Variants in WDR44 observed in about 807,000 individuals in gnomAD.
WDR44 encodes the protein WD repeat domain 44, also known as WD repeat-containing protein 44.
In WDR44, 9 loss-of-function variants were observed where a neutral mutation model predicts 65.7. That is an observed-to-expected ratio of 0.14 (90% confidence interval 0.08 to 0.24). WDR44 has a LOEUF of 0.24. Ranked by LOEUF, WDR44 falls within the 10% of genes least tolerant of loss-of-function variation. WDR44 has a pLI of 1.00. For synonymous variants in WDR44, 220 were observed against 235.2 expected (o/e 0.94, Z 0.59); for missense variants, 425 against 670.9 (o/e 0.63, Z 4.05).
chrX:118,412,515 C>T (rs191983297), intron 12 of WDR44, among the ~76,000 whole-genome samples: 1 of 110,704 alleles, frequency 9.0e-6, no homozygotes, highest in African/African-American at 3.3e-5. Context: ...TGGTTACTTC[C>T]GATTTTGATG....
intron 1 of WDR44, among the ~76,000 whole-genome samples, chrX:118,373,347 T>G (rs1303717362): frequency 9.0e-6 from 1 of 111,619 alleles, no homozygotes; most frequent in Non-Finnish European, 1.9e-5. Flanking sequence ...ACTGCAAGGT[T>G]TAACCTACTC....
intron 3 of WDR44, 48 bp from the exon 4 acceptor site, chrX:118,392,584 C>T: frequency 9.3e-7 from 1 of 1,073,397 alleles, no homozygotes; most frequent in Non-Finnish European, 1.3e-6. Context: ...TTACTGTGTT[C>T]TTATAAATAG....
At chrX:118,382,452 C>T (rs2056727466) in intron 2 of WDR44, among the ~76,000 whole-genome samples, 1 of 111,809 alleles carries the variant, frequency 8.9e-6, no homozygotes, top group African/African-American at 3.2e-5. Context: ...ACAATTTTCT[C>T]AGCAAAAAAA....
At chrX:118,415,119 G>T (rs5956983) in intron 12 of WDR44, among the ~76,000 whole-genome samples, 17,749 of 111,477 alleles carry the variant, frequency 0.16, 2,497 homozygotes, top group African/African-American at 0.44. Flanking sequence ...TGCTTTTTCT[G>T]CATCTATTGA....
intron 1 of WDR44, among the ~76,000 whole-genome samples, chrX:118,352,386 T>A (rs1302940169): frequency 1.4e-5 from 1 of 73,921 alleles, no homozygotes; most frequent in African/African-American, 5.3e-5. Flanking sequence ...AGAGATGGGG[T>A]TTCACCATGT....
intron 1 of WDR44, among the ~76,000 whole-genome samples, chrX:118,350,476 G>A (rs1476784500): frequency 8.9e-6 from 1 of 111,782 alleles, no homozygotes; most frequent in Non-Finnish European, 1.9e-5. Flanking sequence ...ACACTCTTGA[G>A]AACCCTTCCA....
At chrX:118,392,604 TA>T in intron 3 of WDR44, 27 bp from the exon 4 acceptor site, 1 of 1,151,890 alleles carries the variant, frequency 8.7e-7, no homozygotes, top group Non-Finnish European at 1.2e-6. Flanking sequence ...GCTTCATTTT[TA>T]AAAACTACTT....
chrX:118,439,396 T>C (rs1448811652), intron 14 of WDR44, among the ~76,000 whole-genome samples: 3 of 107,292 alleles, frequency 2.8e-5, no homozygotes, highest in Non-Finnish European at 3.9e-5. Flanking sequence ...GCCAACATGG[T>C]GAAAACCTGT....
At chrX:118,347,502 G>T (rs771253547) in intron 1 of WDR44, among the ~76,000 whole-genome samples, 117 of 112,158 alleles carry the variant, frequency 1.0e-3, no homozygotes, top group Non-Finnish European at 1.9e-3. Flanking sequence ...ACTCCCCTAC[G>T]AATGTACGTG....
chrX:118,360,640 C>T (rs2056503146), intron 1 of WDR44, among the ~76,000 whole-genome samples: 1 of 112,049 alleles, frequency 8.9e-6, no homozygotes, highest in African/African-American at 3.2e-5. Context: ...CTTATCTATG[C>T]TCATACCCTG....
intron 14 of WDR44, among the ~76,000 whole-genome samples, chrX:118,438,797 G>GTTTTTTTTTTTTTTTTTTTTTTTTT (rs1213083479): frequency 1.6e-5 from 1 of 64,044 alleles, no homozygotes; most frequent in Non-Finnish European, 2.9e-5. Context: ...GTTCAGCCAT[G>GTTTTTTTTTTTTTTTTTTTTTTTTT]TTTTTTTTTT....
intron 8 of WDR44, among the ~76,000 whole-genome samples, chrX:118,399,852 A>G (rs984996639): frequency 1.8e-5 from 2 of 111,682 alleles, no homozygotes; most frequent in African/African-American, 6.5e-5. Flanking sequence ...TTGGGAGACC[A>G]AAGTAGGAGG....
rs1385789382 is a variant in WDR44 at position 118,388,853 on chromosome X, A to G, written c.186+1439A>G. Among the ~76,000 whole-genome samples the G allele has an allele frequency of 3.6e-5, 4 of 111,939 alleles. No individual in the cohort carries two copies. In the East Asian group the frequency reaches 1.1e-3, roughly 31 times the overall value. The stretch of plus-strand genomic sequence containing the variant: ...TCTGTCTTTTACTCTTACCATTTTT[A>G]GATTTTCCTCATACTTCTATATGAG... On this transcript the variant is annotated intron_variant, in intron 3 of 19. Transcript: ENST00000254029.
At chrX:118,398,547 A>G in intron 8 of WDR44, 77 bp downstream of exon 8, 1 of 847,793 alleles carries the variant, frequency 1.2e-6, no homozygotes, top group African/African-American at 2.0e-5. Flanking sequence ...ACTATTTTAA[A>G]TCATGCTCCA....
At chrX:118,428,223 G>C (rs970907329) in intron 12 of WDR44, among the ~76,000 whole-genome samples, 8 of 109,752 alleles carry the variant, frequency 7.3e-5, no homozygotes, top group African/African-American at 1.7e-4. Context: ...AGGAGGCAGA[G>C]GTTGCAGTGA....
At position 118,394,082 on chromosome X, in the gene WDR44, C is replaced by G; in HGVS notation, c.854C>G (p.Ser285Cys). The G allele has an allele frequency of 8.3e-7, 1 of 1,210,415 alleles. No homozygotes were observed. The highest frequency in any genetic ancestry group is 1.1e-6 in the Non-Finnish European group (1 of 894,558). The part of the protein sequence containing the change: ...DVPKENITSD[S>C]LLTASMASES... ...CCCAAAGAGAATATTACGTCTGATT[C>G]TCTCCTAACCGCAAGCATGGCTTCA... The change falls in exon 5 of 20, where the codon TCT becomes TGT. Residue 285 changes from serine to cysteine, a missense_variant. Around this residue, in one of 5 missense-constraint regions of WDR44, gnomAD observed 193 missense variants for 209.0 expected, o/e 0.92. Coordinates refer to ENST00000254029, the MANE Select transcript of WDR44 (RefSeq NM_019045.5).
intron 8 of WDR44, among the ~76,000 whole-genome samples, chrX:118,400,735 T>C (rs75820759): frequency 9.2e-6 from 1 of 108,321 alleles, no homozygotes; most frequent in African/African-American, 3.4e-5. Context: ...TAGTTACACA[T>C]GTATACATGT....
chrX:118,362,002 C>A (rs972896297), intron 1 of WDR44, among the ~76,000 whole-genome samples: 1 of 111,836 alleles, frequency 8.9e-6, no homozygotes, highest in African/African-American at 3.3e-5. Context: ...TGCAGTAAGC[C>A]AGGCAAGACA....
intron 8 of WDR44, among the ~76,000 whole-genome samples, chrX:118,399,078 A>G (rs2056890775): frequency 9.0e-6 from 1 of 111,543 alleles, no homozygotes; most frequent in African/African-American, 3.3e-5. Context: ...CTGCAATCCT[A>G]TTTGTCTTTC....
Sources: allele counts gnomAD v4.1 joint callset (sites outside exome capture counted in the v4.1 genomes callset), GRCh38; gene constraint gnomAD v4.1.1; regional missense constraint gnomAD v4.1.1; transcripts MANE v1.5; gene names NCBI Gene and HGNC (gene_info 2026-07-23, HGNC 2026-07-21).